Variants in AXL observed in about 807,000 individuals in gnomAD.
The protein encoded by AXL is AXL receptor tyrosine kinase.
AXL carries 52 observed loss-of-function variants against 104.5 expected under a neutral mutation model. That is an observed-to-expected ratio of 0.50 (90% CI 0.40 to 0.63). AXL has a LOEUF of 0.63. Among genes scored for constraint, AXL ranks in the 20% least tolerant of loss-of-function variants. The pLI, the probability that AXL is intolerant of heterozygous loss-of-function variation, is 0.00. For synonymous variants in AXL, 455 were observed against 473.7 expected, an observed-to-expected ratio of 0.96 and a Z score of 0.51; for missense variants, 1,024 against 1,188.5, an observed-to-expected ratio of 0.86 and a Z score of 2.04.
rs564574627 is a variant in AXL, at chr19:41,231,918, C to A, written c.783+620C>A. Reference sequence around the variant, plus strand: ...CTCCAGCCTGGGTGACAGAGCGAGACTCTGTCTCAAAAAAAAAAAAGAAAC... The same window carrying A: ...CTCCAGCCTGGGTGACAGAGCGAGAATCTGTCTCAAAAAAAAAAAAGAAAC... On this transcript the variant is annotated intron_variant, in intron 6 of 19. Coordinates refer to ENST00000301178, the MANE Select transcript of AXL (RefSeq NM_021913.5). Among the ~76,000 whole-genome samples the A allele has an allele frequency of 3.0e-5, 4 of 135,526 alleles. No homozygotes were observed. In the East Asian group the frequency reaches 6.3e-4, roughly 21 times the overall value. The allele number at this position is 135,526 out of a possible 152,430, so 88.9% of individuals were successfully genotyped here.
At chr19:41,248,705 G>A in intron 13 of AXL, 38 bp from the exon 14 acceptor site, 1 of 1,613,108 alleles carries the variant, frequency 6.2e-7, no homozygotes, top group South Asian at 1.1e-5. Context: ...GTCCCCACGG[G>A]CCCTCTGAGG....
chr19:41,259,591 A>C lies in AXL; in HGVS notation c.2372A>C (p.Gln791Pro). The C allele has an allele frequency of 6.2e-7, 1 of 1,612,724 alleles. No individual in the cohort carries two copies. The highest frequency in any genetic ancestry group is 8.5e-7 in the Non-Finnish European group (1 of 1,179,306). The change falls in exon 20 of 20, where the codon CAG (glutamine) becomes CCG (proline). Residue 791 changes from glutamine to proline, a missense_variant. By Grantham distance (76) the Gln-to-Pro change is moderately conservative (BLOSUM62 -1). This residue lies in a region of AXL where 523 missense variants were observed against 636.0 expected (regional missense o/e 0.82). Coordinates refer to ENST00000301178, the MANE Select transcript of AXL (RefSeq NM_021913.5). ...LMSRCWELNP[Q>P]DRPSFTELRE... The stretch of plus-strand genomic sequence containing the variant: ...TCGCGGTGCTGGGAGCTAAATCCCC[A>C]GGACCGGCCAAGTTTTACAGAGCTG...
At chr19:41,235,651 C>T (rs936075288) in intron 6 of AXL, among the ~76,000 whole-genome samples, 5 of 152,106 alleles carry the variant, frequency 3.3e-5, no homozygotes, top group Non-Finnish European at 1.5e-5. Context: ...ATATTCTTAC[C>T]GCCAGTAGAG....
chr19:41,257,758 T>A (rs747851030), intron 19 of AXL, 129 bp downstream of exon 19: 108 of 1,229,878 alleles, frequency 8.8e-5, no homozygotes, highest in Non-Finnish European at 1.2e-4. Context: ...GTGACCCACT[T>A]GCCCCTCACC....
chr19:41,256,470 C>T lies in AXL; in HGVS notation c.2055C>T (p.Ser685=), dbSNP rs760378735. ...ARNCMLNENM[S]VCVADFGLSK... is the part of the protein sequence containing the mutation. ...CAAACAGGCTGAATGAGAACATGTC[C>T]GTGTGTGTGGCGGACTTCGGGCTCT... Residue 685 remains serine (S), a synonymous_variant, in exon 18 of 20, where the codon TCC becomes TCT. Coordinates refer to ENST00000301178, the MANE Select transcript of AXL (RefSeq NM_021913.5). 8.7e-6 allele frequency: 14 copies of T among 1,613,670 alleles called. No homozygotes were observed. Among genetic ancestry groups the T allele is most frequent in the Admixed American group, 5.0e-5 (3 of 59,980 alleles).
chr19:41,222,723 G>A (rs906471572), intron 4 of AXL, among the ~76,000 whole-genome samples: 4 of 151,166 alleles, frequency 2.6e-5, no homozygotes, highest in African/African-American at 4.9e-5. Context: ...TGGCTAACAC[G>A]GTGAAACCCC....
chr19:41,221,678 G>T (rs1178151547), intron 3 of AXL: 7 of 574,674 alleles, frequency 1.2e-5, no homozygotes, highest in South Asian at 8.7e-5. Context: ...CAGCTATCGT[G>T]GGGGGTCTGA....
At chr19:41,245,533 G>A (rs2122255637) in intron 12 of AXL, among the ~76,000 whole-genome samples, 1 of 152,086 alleles carries the variant, frequency 6.6e-6, no homozygotes, top group East Asian at 1.9e-4. Flanking sequence ...GACCAGCCTG[G>A]CCAACATGGC....
rs1462587533 is a variant in AXL at position 41,261,481 on chromosome 19, A to T, written c.*1577A>T. ...AGATTCTAAAGGTCCACAGGTCTAG[A>T]CTATTAGGTGCAATTTCAAGGTTCT... On this transcript the variant is annotated 3_prime_UTR_variant, in exon 20 of 20. Transcript: ENST00000301178. 4 of 152,428 alleles carry T rather than the reference A, an allele frequency of 2.6e-5. No individual in the cohort carries two copies. Among genetic ancestry groups the T allele is most frequent in the Admixed American group, 6.5e-5 (1 of 15,282 alleles). The allele number at this position is 152,428 out of a possible 1,614,324, so 9.4% of individuals were successfully genotyped here.
chr19:41,252,786 T>TG (rs754872868), intron 15 of AXL, 60 bp from the exon 16 acceptor site: 2 of 1,596,818 alleles, frequency 1.3e-6, no homozygotes, highest in South Asian at 1.1e-5. Context: ...GGCTGGCTGG[T>TG]GGGGGGCTTG....
rs1371107126 is a variant in AXL at position 41,260,305 on chromosome 19, T to A, written c.*401T>A. 458 of 99,232 alleles carry A rather than the reference T, an allele frequency of 4.6e-3. 4 individuals are homozygous for A. Among genetic ancestry groups the A allele is most frequent in the Middle Eastern group, 0.012 (4 of 322 alleles). 6.1% of individuals were successfully genotyped at this position (99,232 alleles called of 1,614,324 possible). On this transcript the variant is annotated 3_prime_UTR_variant, in exon 20 of 20. Coordinates refer to ENST00000301178, the MANE Select transcript of AXL (RefSeq NM_021913.5). Reference sequence around the variant, plus strand: ...CTAAGGTTCTAAGGCCTACTTTTTTTTTTTTTTTTTTTTTTTTTTTTTTTG... The same window carrying A: ...CTAAGGTTCTAAGGCCTACTTTTTTATTTTTTTTTTTTTTTTTTTTTTTTG...
At chr19:41,219,547 A>T in intron 1 of AXL, 70 bp downstream of exon 1, 1 of 1,495,448 alleles carries the variant, frequency 6.7e-7, no homozygotes, top group Non-Finnish European at 9.1e-7. Context: ...GAGGTGGGGG[A>T]TGATGGCAGG....
intron 6 of AXL, among the ~76,000 whole-genome samples, chr19:41,236,850 GA>G (rs2122231503): frequency 6.6e-6 from 1 of 151,768 alleles, no homozygotes; most frequent in South Asian, 2.1e-4. Context: ...TGTACCTCTA[GA>G]TCAAGCTCGT....
chr19:41,225,270 A>G (rs4803447), intron 4 of AXL, among the ~76,000 whole-genome samples: 13,568 of 152,148 alleles, frequency 0.089, 825 homozygotes, highest in Non-Finnish European at 0.13. Flanking sequence ...CTCCCAAAGT[A>G]CTGGGATTAC....
chr19:41,220,559 A>T, intron 1 of AXL, 77 bp from the exon 2 acceptor site: 2 of 1,289,222 alleles, frequency 1.6e-6, no homozygotes, highest in Non-Finnish European at 2.1e-6. Flanking sequence ...GCCGGTGGGC[A>T]GGCAAGGACA....
chr19:41,258,518 G>A (rs762151780), intron 19 of AXL, among the ~76,000 whole-genome samples: 15 of 152,190 alleles, frequency 9.9e-5, no homozygotes, highest in East Asian at 1.9e-4. Flanking sequence ...AGGTTCTAGC[G>A]ATTCTCTTGC....
chr19:41,221,528 G>T, intron 3 of AXL: 1 of 493,482 alleles, frequency 2.0e-6, no homozygotes, highest in Middle Eastern at 5.3e-4. Flanking sequence ...GTCACAGGAG[G>T]CCATTCTGGT....
chr19:41,254,962 C>T (rs1262288346), intron 17 of AXL, among the ~76,000 whole-genome samples: 3 of 152,176 alleles, frequency 2.0e-5, no homozygotes, highest in Non-Finnish European at 2.9e-5. Context: ...ACACATGCAG[C>T]TCAGCTCGAT....
Position 41,257,638 on chromosome 19 carries a change from C to T in AXL, c.2333+9C>T, listed in dbSNP as rs367674911. 2 of 1,614,044 alleles carry T rather than the reference C, an allele frequency of 1.2e-6. No homozygotes were observed. The highest frequency in any genetic ancestry group is 2.2e-5 in the South Asian group (2 of 91,078). ...GACTGTCTGGATGGACTGTGAGGACCCTTAGGTCTCCCCCAACCCAGAATT... is the reference window on the plus strand; with the variant it reads ...GACTGTCTGGATGGACTGTGAGGACTCTTAGGTCTCCCCCAACCCAGAATT... On this transcript the variant is annotated intron_variant, in intron 19 of 19. Transcript: ENST00000301178.
Sources: gnomAD v4.1 joint callset for allele counts (sites outside exome capture counted in the v4.1 genomes callset) on GRCh38, gnomAD v4.1.1 for gene constraint, gnomAD v4.1.1 regional missense constraint, MANE v1.5 for transcripts, NCBI Gene and HGNC (gene_info 2026-07-23, HGNC 2026-07-21) for gene names.